The following FA2H variants were observed in gnomAD, a reference collection of about 807,000 sequenced individuals.
FA2H encodes fatty acid alpha-hydroxylase.
In FA2H, 22 loss-of-function variants were observed where a neutral mutation model predicts 44.9. That is an observed-to-expected ratio of 0.49 (90% confidence interval 0.35 to 0.70). The LOEUF (loss-of-function observed/expected upper bound fraction) is 0.70. FA2H is among the 30% of genes least tolerant of loss of function. The pLI, the probability that FA2H is intolerant of heterozygous loss-of-function variation, is 0.01. For missense variants in FA2H, 501 were observed against 504.9 expected, an observed-to-expected ratio of 0.99 and a Z score of 0.07; for synonymous variants, 243 against 213.2, an observed-to-expected ratio of 1.14 and a Z score of -1.22.
At chr16:74,742,421 C>T (rs1384845816) in intron 1 of FA2H, among the ~76,000 whole-genome samples, 1 of 152,200 alleles carries the variant, frequency 6.6e-6, no homozygotes, top group African/African-American at 2.4e-5. Context: ...GATCAAAACT[C>T]CAACAACCTA....
intron 4 of FA2H, among the ~76,000 whole-genome samples, chr16:74,720,988 T>C (rs573152271): frequency 6.6e-6 from 1 of 152,238 alleles, no homozygotes; most frequent in Non-Finnish European, 1.5e-5. Context: ...GGGCTGTTTG[T>C]AGCTCTTGGC....
At chr16:74,726,125 T>C in intron 4 of FA2H, 100 bp downstream of exon 4, 1 of 794,154 alleles carries the variant, frequency 1.3e-6, no homozygotes. Flanking sequence ...TGTGATGTAG[T>C]TTGGGGTTCT....
chr16:74,760,513 A>G (rs1051819221), intron 1 of FA2H, among the ~76,000 whole-genome samples: 3 of 152,358 alleles, frequency 2.0e-5, no homozygotes, highest in Middle Eastern at 3.4e-3. Flanking sequence ...GGCAGCTGCC[A>G]GGAAGCTGGA....
chr16:74,725,516 A>T (rs950912927), intron 4 of FA2H, among the ~76,000 whole-genome samples: 5 of 152,144 alleles, frequency 3.3e-5, no homozygotes, highest in Admixed American at 6.5e-5. Context: ...TCTGCCCCCC[A>T]GCTAGAAGCT....
In FA2H at chr16:74,766,197, G is replaced by A. The variant is rs573561636; in HGVS notation, c.270+8289C>T. Among the ~76,000 whole-genome samples, 3 of 152,194 alleles carry A rather than the reference G, an allele frequency of 2.0e-5. No homozygotes were observed. In the South Asian group the frequency reaches 6.2e-4, roughly 32 times the overall value. ...ACCTGTAATCCCAGCTACTCGGGAT[G>A]CTGAGGCAGGAGAATCACTTGAACC... On this transcript the variant is annotated intron_variant, in intron 1 of 6. Transcript: ENST00000219368.
At position 74,750,781 on chromosome 16, in the gene FA2H, G is replaced by GTGTGTGTGTGTGTGTGTA. The variant is rs1376634373; in HGVS notation, c.271-10667_271-10666insTACACACACACACACACA. Among the ~76,000 whole-genome samples the GTGTGTGTGTGTGTGTGTA allele has an allele frequency of 1.4e-3, 212 of 151,328 alleles. 1 individual carries two copies. Among genetic ancestry groups the GTGTGTGTGTGTGTGTGTA allele is most frequent in the African/African-American group, 4.9e-3 (202 of 40,880 alleles). ...TTTCACTGTGTGTGTGTGTGTGTGT[G>GTGTGTGTGTGTGTGTGTA]TGTGTGTGTTTAAGAGACAGGGTCT... On this transcript the variant is annotated intron_variant, in intron 1 of 6. Transcript: ENST00000219368.
At chr16:74,761,898 G>A (rs1217633487) in intron 1 of FA2H, among the ~76,000 whole-genome samples, 1 of 152,220 alleles carries the variant, frequency 6.6e-6, no homozygotes, top group Non-Finnish European at 1.5e-5. Context: ...GGCAATGAAT[G>A]AAGGAAGAAG....
chr16:74,741,981 G>C (rs534813224), intron 1 of FA2H, among the ~76,000 whole-genome samples: 1 of 151,482 alleles, frequency 6.6e-6, no homozygotes, highest in Non-Finnish European at 1.5e-5. Context: ...CCCTCTTCCC[G>C]TGACAGCAGC....
rs115239545 is a variant in FA2H at position 74,751,500 on chromosome 16, C to A, written c.271-11385G>T. Among the ~76,000 whole-genome samples the A allele has an allele frequency of 3.3e-3, 501 of 152,114 alleles. 5 individuals are homozygous for A. Among genetic ancestry groups the A allele is most frequent in the African/African-American group, 0.011 (471 of 41,514 alleles). ...TAGCCTCCATTCTATGTGTTACACT[C>A]GTCACCATAATGATGCTTCAGCCCC... On this transcript the variant is annotated intron_variant, in intron 1 of 6. Coordinates refer to ENST00000219368, the MANE Select transcript of FA2H (RefSeq NM_024306.5).
chr16:74,736,249 ACAGCCTTGGGGAGG>A lies in FA2H; in HGVS notation c.363+3760_363+3773del, dbSNP rs1179732203. On this transcript the variant is annotated intron_variant, in intron 2 of 6. Transcript: ENST00000219368. ...CTCAGGGACTCTAAGCCCAGTATGG[ACAGCCTTGGGGAGG>A]CCCTTTGGATGTTGGGCCCTCCAGA... is the stretch of plus-strand genomic sequence containing the variant. Among the ~76,000 whole-genome samples, 4 of 152,282 alleles carry A rather than the reference ACAGCCTTGGGGAGG, an allele frequency of 2.6e-5. No homozygotes were observed. In the East Asian group the frequency reaches 7.8e-4, roughly 30 times the overall value.
intron 1 of FA2H, among the ~76,000 whole-genome samples, chr16:74,753,587 C>T (rs936045956): frequency 4.6e-5 from 7 of 152,100 alleles, no homozygotes; most frequent in East Asian, 1.9e-4. Flanking sequence ...GTGGGAGAAT[C>T]GCTTGAACCC....
intron 6 of FA2H, 64 bp downstream of exon 6, chr16:74,716,283 T>A (rs979845442): frequency 6.3e-7 from 1 of 1,582,970 alleles, no homozygotes; most frequent in Non-Finnish European, 8.6e-7. Context: ...AGGAGCTCGA[T>A]GGTAGTTGGC....
rs528823072 is a variant in FA2H, at chr16:74,723,408, G to A, written c.613+2817C>T. Reference sequence around the variant, plus strand: ...ATCCCTTCCTCTCCCACATGCTGACGACCGAAGCTCTACACCAACTCCACC... The same window carrying A: ...ATCCCTTCCTCTCCCACATGCTGACAACCGAAGCTCTACACCAACTCCACC... On this transcript the variant is annotated intron_variant, in intron 4 of 6. Transcript: ENST00000219368. 7.8e-5 allele frequency among the ~76,000 whole-genome samples: 11 copies of A among 140,938 alleles called. No individual in the cohort carries two copies. In the South Asian group the frequency reaches 2.6e-3, roughly 34 times the overall value. 92.5% of individuals were successfully genotyped at this position (140,938 alleles called of 152,430 possible).
At chr16:74,748,381 C>T in intron 1 of FA2H, among the ~76,000 whole-genome samples, 1 of 152,240 alleles carries the variant, frequency 6.6e-6, no homozygotes, top group East Asian at 1.9e-4. Context: ...CGGCGTCTCA[C>T]TGGGGCGGAC....
At chr16:74,749,414 G>A (rs941666503) in intron 1 of FA2H, among the ~76,000 whole-genome samples, 2 of 135,200 alleles carry the variant, frequency 1.5e-5, no homozygotes, top group African/African-American at 5.5e-5. Context: ...GCAGGCCACC[G>A]TCCTGGTATT....
chr16:74,748,554 C>T (rs1413903750), intron 1 of FA2H, among the ~76,000 whole-genome samples: 1 of 152,136 alleles, frequency 6.6e-6, no homozygotes, highest in Non-Finnish European at 1.5e-5. Flanking sequence ...AGGTTCCTCA[C>T]AGTAGCCTCC....
At position 74,741,829 on chromosome 16, in the gene FA2H, T is replaced by TGTGCGC. The variant is rs1306244978; in HGVS notation, c.271-1715_271-1714insGCGCAC. ...ATATATGTGTGTGTGTGTGTGTGTG[T>TGTGCGC]GTGTGTGTATGTGTGTGTATGTGTG... On this transcript the variant is annotated intron_variant, in intron 1 of 6. Transcript: ENST00000219368. Among the ~76,000 whole-genome samples the TGTGCGC allele has an allele frequency of 6.6e-5, 6 of 90,276 alleles. 1 individual carries two copies. The highest frequency in any genetic ancestry group is 9.5e-5 in the Non-Finnish European group (4 of 41,950). The allele number at this position is 90,276 out of a possible 152,430, so 59.2% of individuals were successfully genotyped here. A position where few individuals can be genotyped will look rare whatever the true frequency, so the allele number is the denominator to read the frequency against.
intron 5 of FA2H, 75 bp downstream of exon 5, chr16:74,718,913 C>T (rs1464883063): frequency 6.4e-7 from 1 of 1,560,254 alleles, no homozygotes; most frequent in Non-Finnish European, 8.7e-7. Context: ...TCCGCAGCAC[C>T]TGAAGCTGCG....
intron 1 of FA2H, among the ~76,000 whole-genome samples, chr16:74,762,185 G>A (rs1962725727): frequency 6.6e-6 from 1 of 152,154 alleles, no homozygotes; most frequent in East Asian, 1.9e-4. Context: ...TGGGACTGCA[G>A]GTGCCCACCA....
Sources: allele counts gnomAD v4.1 joint callset (sites outside exome capture counted in the v4.1 genomes callset), GRCh38; gene constraint gnomAD v4.1.1; transcripts MANE v1.5; gene names NCBI Gene and HGNC (gene_info 2026-07-23, HGNC 2026-07-21).